Variants in CHLSN observed in about 807,000 individuals in gnomAD.
CHLSN encodes cholesin.
chr7:1,127,389 G>C, the CHLSN span: 2 of 1,598,224 alleles, frequency 1.3e-6, no homozygotes, highest in Non-Finnish European at 1.7e-6. Flanking sequence ...TTGCCATCCT[G>C]CAACAGAGAA....
chr7:987,347 G>A, the CHLSN span: 1 of 1,574,754 alleles, frequency 6.4e-7, no homozygotes, highest in Non-Finnish European at 8.6e-7. Context: ...TTTGCCCCAG[G>A]CCGGGTGCAG....
At chr7:1,000,742 C>T in the CHLSN span, among the ~76,000 whole-genome samples, 16 of 152,198 alleles carry the variant, frequency 1.1e-4, no homozygotes, top group African/African-American at 3.9e-4. Context: ...ACCCCACGCC[C>T]TGCTGCCGCC....
At chr7:1,011,754 C>A in the CHLSN span, among the ~76,000 whole-genome samples, 3 of 151,894 alleles carry the variant, frequency 2.0e-5, no homozygotes, top group African/African-American at 7.3e-5. Context: ...CATACACACA[C>A]GCCAACACAC....
At chr7:984,906 T>C in the CHLSN span, 3 of 1,537,650 alleles carry the variant, frequency 2.0e-6, no homozygotes, top group Non-Finnish European at 2.6e-6. Context: ...CGGGGCTGGC[T>C]GGGGTGGGAA....
chr7:1,117,682 A>AG, the CHLSN span, among the ~76,000 whole-genome samples: 2 of 146,804 alleles, frequency 1.4e-5, no homozygotes, highest in Non-Finnish European at 3.0e-5. Context: ...ATGCAGGATG[A>AG]CATCACTACA....
At chr7:1,021,559 C>T in the CHLSN span, 1 of 985,448 alleles carries the variant, frequency 1.0e-6, no homozygotes, top group East Asian at 1.1e-4. Context: ...AGTAGGGCTT[C>T]AGCAGCTGTC....
the CHLSN span, among the ~76,000 whole-genome samples, chr7:996,501 C>T: frequency 3.9e-5 from 6 of 152,186 alleles, no homozygotes; most frequent in South Asian, 6.2e-4. Context: ...GGGCAGGAGG[C>T]GGCCCCGGGG....
chr7:1,076,916 AG>A, the CHLSN span, among the ~76,000 whole-genome samples: 1 of 152,186 alleles, frequency 6.6e-6, no homozygotes, highest in Non-Finnish European at 1.5e-5. Flanking sequence ...GTGGTCAGCG[AG>A]GGGCTGGCCC....
the CHLSN span, among the ~76,000 whole-genome samples, chr7:1,120,208 C>A: frequency 3.9e-5 from 6 of 152,210 alleles, no homozygotes; most frequent in African/African-American, 9.7e-5. Flanking sequence ...CAAGACAGCA[C>A]TTACCAGAGC....
At chr7:1,082,599 C>T in the CHLSN span, among the ~76,000 whole-genome samples, 9 of 152,218 alleles carry the variant, frequency 5.9e-5, no homozygotes, top group Non-Finnish European at 1.2e-4. Context: ...GCCAGGCCAC[C>T]GATGGGCAGA....
the CHLSN span, among the ~76,000 whole-genome samples, chr7:1,036,402 G>A: frequency 6.7e-6 from 1 of 149,482 alleles, no homozygotes; most frequent in Non-Finnish European, 1.5e-5. Flanking sequence ...TGCTGTGGCC[G>A]TGCAGGGCTC....
the CHLSN span, among the ~76,000 whole-genome samples, chr7:1,082,892 G>C: frequency 1.3e-5 from 2 of 152,200 alleles, no homozygotes; most frequent in East Asian, 1.9e-4. Flanking sequence ...CCAAAGAAAG[G>C]GTTCACGATG....
At chr7:1,085,748 G>C in the CHLSN span, among the ~76,000 whole-genome samples, 19,156 of 151,234 alleles carry the variant, frequency 0.13, 2,004 homozygotes, top group African/African-American at 0.29. Context: ...TGGGAGGATG[G>C]CTTGAGCCTG....
At chr7:1,030,775 C>G in the CHLSN span, among the ~76,000 whole-genome samples, 2 of 151,908 alleles carry the variant, frequency 1.3e-5, no homozygotes, top group Non-Finnish European at 2.9e-5. Context: ...GACTCTCTCT[C>G]TCTCCCCGGG....
At chr7:1,125,737 G>A in the CHLSN span, among the ~76,000 whole-genome samples, 3 of 152,234 alleles carry the variant, frequency 2.0e-5, no homozygotes, top group Non-Finnish European at 2.9e-5. Context: ...ATGACAGCGC[G>A]GATCCACAGG....
chr7:1,134,995 G>T, the CHLSN span, among the ~76,000 whole-genome samples: 1 of 152,080 alleles, frequency 6.6e-6, no homozygotes, highest in Non-Finnish European at 1.5e-5. Flanking sequence ...TGACACCCAC[G>T]TGGCTAAATC....
the CHLSN span, among the ~76,000 whole-genome samples, chr7:1,011,300 C>T: frequency 6.7e-6 from 1 of 149,658 alleles, no homozygotes; most frequent in African/African-American, 2.5e-5. Context: ...GACCAACACC[C>T]ACACGCCCAG....
the CHLSN span, among the ~76,000 whole-genome samples, chr7:1,117,752 C>G: frequency 6.8e-6 from 1 of 147,228 alleles, no homozygotes; most frequent in South Asian, 2.1e-4. Context: ...CACTATAGCT[C>G]TAGGACCGGC....
chr7:1,046,954 CG>C, the CHLSN span, among the ~76,000 whole-genome samples: 2 of 152,234 alleles, frequency 1.3e-5, no homozygotes, highest in African/African-American at 4.8e-5. Flanking sequence ...CCTAGTAAAC[CG>C]GGGCTCGACT....
Sources: gnomAD v4.1 joint callset for allele counts (sites outside exome capture counted in the v4.1 genomes callset) on GRCh38, gnomAD v4.1.1 for gene constraint, MANE v1.5 for transcripts, NCBI Gene and HGNC (gene_info 2026-07-23, HGNC 2026-07-21) for gene names.